PPP2R5C: variants seen among roughly 807,000 people sequenced by gnomAD.
The protein encoded by PPP2R5C is protein phosphatase 2 regulatory subunit B'gamma, also known as serine/threonine-protein phosphatase 2A 56 kDa regulatory subunit gamma isoform.
Under a neutral mutation model 68.9 loss-of-function variants are expected in PPP2R5C, and 7 were observed. The observed-to-expected ratio is 0.10, with a 90% CI of 0.06 to 0.19. The LOEUF (loss-of-function observed/expected upper bound fraction) is 0.19, where lower values mean the gene tolerates loss of function less well. PPP2R5C is among the 10% of genes least tolerant of loss of function. The pLI is 1.00. For synonymous variants in PPP2R5C, 210 were observed against 222.2 expected (o/e 0.95, Z 0.49); for missense variants, 348 against 641.3 (o/e 0.54, Z 4.94).
chr14:101,839,170 G>C (rs909301708), intron 1 of PPP2R5C: 1 of 151,394 alleles, frequency 6.6e-6, no homozygotes, highest in African/African-American at 2.4e-5. Flanking sequence ...AGCCAACATG[G>C]TGAAATCCCA....
At chr14:101,872,995 C>G (rs1350436336) in intron 2 of PPP2R5C, among the ~76,000 whole-genome samples, 1 of 151,424 alleles carries the variant, frequency 6.6e-6, no homozygotes, top group East Asian at 1.9e-4. Flanking sequence ...ATCTTTTCTG[C>G]CATGTCTATT....
At chr14:101,812,483 G>C (rs1202813270) in intron 1 of PPP2R5C, among the ~76,000 whole-genome samples, 1 of 152,210 alleles carries the variant, frequency 6.6e-6, no homozygotes, top group East Asian at 1.9e-4. Flanking sequence ...CTTACCCAAG[G>C]TCACACAGCC....
At chr14:101,768,955 G>T (rs934132018) in intron 2 of PPP2R5C, among the ~76,000 whole-genome samples, 1 of 151,944 alleles carries the variant, frequency 6.6e-6, no homozygotes, top group Non-Finnish European at 1.5e-5. Context: ...CTCCCGAGTA[G>T]CTGGGACTAC....
intron 2 of PPP2R5C, among the ~76,000 whole-genome samples, chr14:101,871,574 CCT>C (rs1381041084): frequency 6.6e-6 from 1 of 152,048 alleles, no homozygotes; most frequent in African/African-American, 2.4e-5. Flanking sequence ...TCAGACAATC[CCT>C]GTCTTTCAGG....
chr14:101,896,490 T>A (rs908347506), intron 8 of PPP2R5C, among the ~76,000 whole-genome samples: 1 of 151,760 alleles, frequency 6.6e-6, no homozygotes, highest in African/African-American at 2.4e-5. Flanking sequence ...TCCCAACACT[T>A]TGGGAGGCTG....
intron 1 of PPP2R5C, among the ~76,000 whole-genome samples, chr14:101,837,944 G>GCTGT (rs1307709863): frequency 7.9e-5 from 12 of 152,176 alleles, no homozygotes; most frequent in Non-Finnish European, 1.8e-4. Flanking sequence ...TTCAGGCTGG[G>GCTGT]CTGTCGGACT....
intron 2 of PPP2R5C, among the ~76,000 whole-genome samples, chr14:101,763,292 T>C (rs1595096672): frequency 1.3e-5 from 2 of 152,168 alleles, no homozygotes; most frequent in East Asian, 3.9e-4. Context: ...CAATCTCTGC[T>C]CACTGCTACC....
intron 6 of PPP2R5C, among the ~76,000 whole-genome samples, chr14:101,890,884 T>C (rs2044846791): frequency 6.6e-6 from 1 of 150,500 alleles, no homozygotes; most frequent in African/African-American, 2.4e-5. Flanking sequence ...ACGATTCTGC[T>C]GCCTCAGCCT....
chr14:101,921,973 A>G, intron 13 of PPP2R5C: 1 of 983,986 alleles, frequency 1.0e-6, no homozygotes, highest in Non-Finnish European at 1.2e-6. Context: ...TGCAATTCTC[A>G]TTTTTAACAG....
intron 2 of PPP2R5C, among the ~76,000 whole-genome samples, chr14:101,773,773 CAG>C (rs2037272946): frequency 6.6e-6 from 1 of 152,176 alleles, no homozygotes; most frequent in African/African-American, 2.4e-5. Flanking sequence ...TAGCTCACTG[CAG>C]CCTTGAACTA....
intron 7 of PPP2R5C, 56 bp from the exon 10 acceptor site, chr14:101,894,451 G>A: frequency 2.0e-6 from 3 of 1,525,718 alleles, no homozygotes; most frequent in Non-Finnish European, 2.7e-6. Flanking sequence ...TCTAGAAGAA[G>A]CACAGCAGCA....
chr14:101,761,725 C>T (rs2036547209), upstream of PPP2R5C: 2 of 960,550 alleles, frequency 2.1e-6, no homozygotes, highest in African/African-American at 1.9e-5. Flanking sequence ...GTGGCTGCCG[C>T]AGCCTCTGGG....
At position 101,829,790 on chromosome 14, in the gene PPP2R5C, C is replaced by T. The variant is rs2040625859; in HGVS notation, c.94+19754C>T. Among the ~76,000 whole-genome samples, 3 of 152,154 alleles carry T rather than the reference C, an allele frequency of 2.0e-5. No homozygotes were observed. In the South Asian group the frequency reaches 6.2e-4, roughly 31 times the overall value. ...CACATGGTGGCCTCCCTGCCCCCAGCTCATCCTTACGCAGTGCCTTCAAAT... is the reference window on the plus strand; with the variant it reads ...CACATGGTGGCCTCCCTGCCCCCAGTTCATCCTTACGCAGTGCCTTCAAAT... On this transcript the variant is annotated intron_variant, in intron 1 of 13. Transcript: ENST00000334743.
chr14:101,770,707 T>C (rs557290677), intron 2 of PPP2R5C, among the ~76,000 whole-genome samples: 18 of 152,342 alleles, frequency 1.2e-4, no homozygotes, highest in African/African-American at 3.8e-4. Context: ...AAGCAAATGA[T>C]ATGAAATCTA....
intron 2 of PPP2R5C, among the ~76,000 whole-genome samples, chr14:101,780,936 C>T (rs1028356668): frequency 2.6e-5 from 4 of 152,168 alleles, no homozygotes; most frequent in Admixed American, 2.0e-4. Flanking sequence ...TTGGCTGCAG[C>T]ACTGACTGGG....
chr14:101,910,732 C>G (rs2046335437), intron 11 of PPP2R5C, among the ~76,000 whole-genome samples: 1 of 151,796 alleles, frequency 6.6e-6, no homozygotes, highest in South Asian at 2.1e-4. Context: ...CTTTGGGAGG[C>G]CGATGCAGGC....
chr14:101,789,364 G>A (rs1339384236), intron 3 of PPP2R5C, among the ~76,000 whole-genome samples: 1 of 152,168 alleles, frequency 6.6e-6, no homozygotes, highest in African/African-American at 2.4e-5. Flanking sequence ...CTGGTGCTCC[G>A]GAGTCCAAGC....
intron 12 of PPP2R5C, chr14:101,912,686 T>C (rs2046463599): frequency 1.9e-6 from 2 of 1,047,730 alleles, no homozygotes; most frequent in Non-Finnish European, 2.5e-6. Flanking sequence ...ATTGACTTTT[T>C]TCCTCTGCTT....
intron 9 of PPP2R5C, among the ~76,000 whole-genome samples, chr14:101,902,219 G>A (rs1251329398): frequency 3.3e-5 from 5 of 152,084 alleles, no homozygotes; most frequent in South Asian, 2.1e-4. Flanking sequence ...GATAGACAAC[G>A]GGTGGCCAAA....
Sources: gnomAD v4.1 joint callset for allele counts (sites outside exome capture counted in the v4.1 genomes callset) on GRCh38, gnomAD v4.1.1 for gene constraint, MANE v1.5 for transcripts, NCBI Gene and HGNC (gene_info 2026-07-23, HGNC 2026-07-21) for gene names.